The following CBY1 variants were observed in gnomAD, a reference collection of about 807,000 sequenced individuals.
The protein encoded by CBY1 is chibby 1, beta catenin antagonist, also known as protein chibby homolog 1.
In CBY1, 10 loss-of-function variants were observed where a neutral mutation model predicts 15.6. The ratio of observed to expected loss-of-function variants is 0.64; its 90% CI spans 0.40 to 1.09. The LOEUF (loss-of-function observed/expected upper bound fraction) is 1.09, where lower values mean the gene tolerates loss of function less well. Ranked by LOEUF, CBY1 falls within the 50% of genes least tolerant of loss-of-function variation. The pLI is 0.01. For synonymous variants in CBY1, 61 were observed against 63.5 expected (o/e 0.96, Z 0.19); for missense variants, 150 against 160.5 (o/e 0.93, Z 0.35).
At chr22:38,657,001 T>C (rs946702550) in intron 1 of CBY1, 9 of 220,396 alleles carry the variant, frequency 4.1e-5, no homozygotes, top group Non-Finnish European at 6.9e-5. Context: ...TGAACGTTTG[T>C]TGACAGCTGT....
chr22:38,657,752 G>C (rs5757212), intron 1 of CBY1, among the ~76,000 whole-genome samples: 53,384 of 151,966 alleles, frequency 0.35, 9,724 homozygotes, highest in East Asian at 0.47. Context: ...AACTGAAGGG[G>C]AGAGCCAGGC....
Position 38,671,435 on chromosome 22 carries a change from G to A in CBY1, c.303+247G>A. On this transcript the variant is annotated intron_variant, in intron 4 of 4. Coordinates refer to ENST00000216029, the MANE Select transcript of CBY1 (RefSeq NM_015373.4). The stretch of plus-strand genomic sequence containing the variant: ...TGCACAGGATCTGCACAGCACACGA[G>A]GGAGAAGTTATTTCTGTCAAGTCGG... 7 of 464,866 alleles carry A rather than the reference G, an allele frequency of 1.5e-5. 1 individual carries two copies. The highest frequency in any genetic ancestry group is 1.4e-4 in the South Asian group (5 of 35,938). The allele number at this position is 464,866 out of a possible 1,614,324, so 28.8% of individuals were successfully genotyped here. A position where few individuals can be genotyped will look rare whatever the true frequency, so the allele number is the denominator to read the frequency against.
At chr22:38,657,455 G>GC (rs1569252000) in intron 1 of CBY1, among the ~76,000 whole-genome samples, 2 of 152,238 alleles carry the variant, frequency 1.3e-5, no homozygotes, top group Non-Finnish European at 2.9e-5. Flanking sequence ...CTTCCTGTGT[G>GC]CGGAGCACGC....
chr22:38,672,506 G>A (rs1156706151), intron 4 of CBY1, among the ~76,000 whole-genome samples: 1 of 149,988 alleles, frequency 6.7e-6, no homozygotes, highest in Non-Finnish European at 1.5e-5. Context: ...AGTAGAGATG[G>A]GGTTTCACCA....
At chr22:38,672,107 C>G (rs977288159) in intron 4 of CBY1, among the ~76,000 whole-genome samples, 4 of 151,514 alleles carry the variant, frequency 2.6e-5, no homozygotes, top group African/African-American at 9.7e-5. Context: ...ACTAAAAATA[C>G]AAAAATTAGC....
At chr22:38,672,794 T>C (rs1278979029) in intron 4 of CBY1, among the ~76,000 whole-genome samples, 1 of 152,160 alleles carries the variant, frequency 6.6e-6, no homozygotes, top group East Asian at 1.9e-4. Context: ...TAGCATTTTT[T>C]CCCCTCATCC....
At chr22:38,665,284 G>A (rs559107363) in intron 1 of CBY1, among the ~76,000 whole-genome samples, 1 of 152,110 alleles carries the variant, frequency 6.6e-6, no homozygotes, top group East Asian at 1.9e-4. Flanking sequence ...GCAACATGAC[G>A]AAACTCCCAT....
intron 1 of CBY1, among the ~76,000 whole-genome samples, chr22:38,657,821 GGACTT>G (rs2092405477): frequency 6.6e-6 from 1 of 151,988 alleles, no homozygotes; most frequent in East Asian, 1.9e-4. Flanking sequence ...GCATCAGTGG[GGACTT>G]GACTTATTTC....
chr22:38,669,119 G>A (rs915925002), intron 2 of CBY1, among the ~76,000 whole-genome samples: 32 of 152,312 alleles, frequency 2.1e-4, no homozygotes, highest in Admixed American at 9.1e-4. Context: ...TCCACATGCT[G>A]ACAGGTACTT....
chr22:38,668,372 T>TA, intron 2 of CBY1: 1 of 402,722 alleles, frequency 2.5e-6, no homozygotes. Flanking sequence ...ATATCCAAAT[T>TA]TTTTTTTTCT....
chr22:38,658,578 A>G (rs961112958), intron 1 of CBY1, among the ~76,000 whole-genome samples: 2 of 151,870 alleles, frequency 1.3e-5, no homozygotes, highest in Non-Finnish European at 2.9e-5. Flanking sequence ...GTCCTGCCTC[A>G]GCCTTCTGAG....
At chr22:38,670,784 G>C (rs2092450126) in intron 2 of CBY1, 100 bp from the exon 3 acceptor site, 1 of 761,132 alleles carries the variant, frequency 1.3e-6, no homozygotes, top group African/African-American at 1.7e-5. Flanking sequence ...GTAATGATTA[G>C]AGAAATGAGT....
chr22:38,670,114 C>G (rs1212284352), intron 2 of CBY1: 1 of 152,300 alleles, frequency 6.6e-6, no homozygotes, highest in Non-Finnish European at 1.5e-5. Flanking sequence ...CCTGTAGTCC[C>G]AGCTACTCGG....
intron 1 of CBY1, among the ~76,000 whole-genome samples, chr22:38,663,056 G>A (rs531044482): frequency 6.6e-6 from 1 of 152,210 alleles, no homozygotes; most frequent in East Asian, 1.9e-4. Context: ...GGAAGCAGAG[G>A]TTGCAGTCAG....
rs2092459308 is a variant in CBY1 at position 38,673,580 on chromosome 22, C to T, written c.*344C>T. ...TGTTGGGTTGTGTTGGGAGAAGCGG[C>T]TGGAGTTCATTCTCTCACCCCCTTA... On this transcript the variant is annotated 3_prime_UTR_variant, in exon 5 of 5. Transcript: ENST00000216029. 2 of 238,226 alleles carry T rather than the reference C, an allele frequency of 8.4e-6. No homozygotes were observed. Among genetic ancestry groups the T allele is most frequent in the South Asian group, 5.8e-5 (1 of 17,140 alleles). 14.8% of individuals were successfully genotyped at this position (238,226 alleles called of 1,614,324 possible).
chr22:38,673,222 CG>C lies in CBY1; in HGVS notation c.369del (p.Lys124ArgfsTer17), dbSNP rs1569257088. On this transcript the variant is annotated frameshift_variant, in exon 5 of 5. Transcript: ENST00000216029. LOFTEE classifies it high-confidence loss of function. ...EKELDELRIS[R>X]KRK ...GGAACTGGATGAACTGAGGATCAGCCGGAAGAGAAAATGAAGACCCCAGAGA... is the reference window on the plus strand; with the variant it reads ...GGAACTGGATGAACTGAGGATCAGCCGAAGAGAAAATGAAGACCCCAGAGA... The C allele has an allele frequency of 6.2e-7, 1 of 1,611,112 alleles. No individual in the cohort carries two copies. Among genetic ancestry groups the C allele is most frequent in the Admixed American group, 1.7e-5 (1 of 59,970 alleles).
chr22:38,665,446 C>T (rs2092433320), intron 1 of CBY1: 1 of 378,098 alleles, frequency 2.6e-6, no homozygotes, highest in South Asian at 1.5e-4. Context: ...CCTGGGGGAC[C>T]AGAACGAGAC....
intron 2 of CBY1, 94 bp downstream of exon 2, chr22:38,668,226 G>C: frequency 1.3e-6 from 1 of 758,112 alleles, no homozygotes; most frequent in Admixed American, 1.9e-5. Context: ...AGAGGCATCA[G>C]TGCAGGAGGG....
At chr22:38,661,917 T>G (rs2092423232) in intron 1 of CBY1, among the ~76,000 whole-genome samples, 1 of 152,200 alleles carries the variant, frequency 6.6e-6, no homozygotes, top group East Asian at 1.9e-4. Flanking sequence ...CTGTTTTCTT[T>G]TTGCTCACTT....
Sources: allele counts gnomAD v4.1 joint callset (sites outside exome capture counted in the v4.1 genomes callset), GRCh38; gene constraint gnomAD v4.1.1; transcripts MANE v1.5; gene names NCBI Gene and HGNC (gene_info 2026-07-23, HGNC 2026-07-21).